The following GRID1 variants were observed in gnomAD, a reference collection of about 807,000 sequenced individuals.
The protein encoded by GRID1 is glutamate receptor ionotropic, delta-1.
In GRID1, 28 loss-of-function variants were observed where a neutral mutation model predicts 98.0. The observed-to-expected ratio is 0.29, with a 90% CI of 0.21 to 0.39. The LOEUF (loss-of-function observed/expected upper bound fraction) is 0.39. Ranked by LOEUF, GRID1 falls within the 10% of genes least tolerant of loss-of-function variation. The pLI is 1.00. For missense variants in GRID1, 1,111 were observed against 1,340.5 expected, an observed-to-expected ratio of 0.83 and a Z score of 2.67; for synonymous variants, 553 against 538.5, an observed-to-expected ratio of 1.03 and a Z score of -0.37.
At chr10:85,906,361 C>T (rs1184601914) in intron 5 of GRID1, among the ~76,000 whole-genome samples, 1 of 152,064 alleles carries the variant, frequency 6.6e-6, no homozygotes, top group Non-Finnish European at 1.5e-5. Flanking sequence ...ACCAAATAAT[C>T]ATAAAGGATA....
intron 8 of GRID1, among the ~76,000 whole-genome samples, chr10:85,803,145 T>A (rs950260728): frequency 2.6e-5 from 4 of 152,026 alleles, no homozygotes; most frequent in African/African-American, 7.2e-5. Context: ...GTTAAAAGAA[T>A]GAGTAAGAGC....
chr10:86,095,201 A>G (rs1484885194), intron 4 of GRID1, among the ~76,000 whole-genome samples: 1 of 152,232 alleles, frequency 6.6e-6, no homozygotes, highest in African/African-American at 2.4e-5. Flanking sequence ...TACAAAAATC[A>G]ACTCAAGATG....
chr10:86,333,188 C>G (rs1459428553), intron 2 of GRID1, among the ~76,000 whole-genome samples: 3 of 152,210 alleles, frequency 2.0e-5, no homozygotes, highest in Non-Finnish European at 4.4e-5. Context: ...CTCATCTCTG[C>G]TTAGAATGCC....
In GRID1 at chr10:86,364,086, G is replaced by A; in HGVS notation, c.90C>T (p.Phe30=). ...ADSIIHIGAI[F]EENAAKDDRV... ...TGTCGTCCTTGGCCGCGTTCTCCTC[G>A]AAGATGGCACCTGGAGGAGAGAAGG... is the stretch of plus-strand genomic sequence containing the variant. The change falls in exon 2 of 16, where the codon TTC becomes TTT. Residue 30 remains phenylalanine, a synonymous_variant. Transcript: ENST00000327946. 6.2e-7 allele frequency: 1 copy of A among 1,613,628 alleles called. No individual in the cohort carries two copies.
intron 12 of GRID1, among the ~76,000 whole-genome samples, chr10:85,706,521 AAATGGCCATACTGCCCAAGGT>A (rs1841520473): frequency 1.3e-5 from 2 of 152,228 alleles, no homozygotes; most frequent in Non-Finnish European, 2.9e-5. Context: ...AATATCGTGA[AAATGGCCATACTGCCCAAGGT>A]AATTTATAGA....
intron 8 of GRID1, among the ~76,000 whole-genome samples, chr10:85,805,155 T>C (rs1842612388): frequency 6.6e-6 from 1 of 151,458 alleles, no homozygotes; most frequent in African/African-American, 2.4e-5. Context: ...AAATTCTAGA[T>C]CTAATACATA....
At chr10:85,865,918 T>TATATATATATACAC (rs1400898669) in intron 6 of GRID1, among the ~76,000 whole-genome samples, 3 of 94,534 alleles carry the variant, frequency 3.2e-5, no homozygotes, top group African/African-American at 1.2e-4. Context: ...TATACATATA[T>TATATATATATACAC]ATATATATAT....
At chr10:85,604,470 G>A (rs528294668) in intron 15 of GRID1, among the ~76,000 whole-genome samples, 2 of 152,226 alleles carry the variant, frequency 1.3e-5, no homozygotes, top group South Asian at 4.1e-4. Flanking sequence ...CAACTTCAGT[G>A]ATCTGAAGCC....
chr10:85,997,073 T>C (rs2131872110), intron 4 of GRID1, among the ~76,000 whole-genome samples: 1 of 152,268 alleles, frequency 6.6e-6, no homozygotes, highest in African/African-American at 2.4e-5. Flanking sequence ...CTTCTCCTTT[T>C]GAGTTCTCTA....
chr10:86,209,687 T>TA (rs1259274772), intron 2 of GRID1, among the ~76,000 whole-genome samples: 1 of 152,204 alleles, frequency 6.6e-6, no homozygotes, highest in East Asian at 1.9e-4. Flanking sequence ...TTGTATAAAA[T>TA]AAACTGTATA....
At chr10:86,154,581 C>A (rs1048839296) in intron 3 of GRID1, among the ~76,000 whole-genome samples, 2 of 152,278 alleles carry the variant, frequency 1.3e-5, no homozygotes, top group South Asian at 2.1e-4. Context: ...GGCTGCAGAT[C>A]CTGGGAATCT....
At chr10:86,102,414 G>A (rs1027702146) in intron 4 of GRID1, among the ~76,000 whole-genome samples, 1 of 152,214 alleles carries the variant, frequency 6.6e-6, no homozygotes, top group African/African-American at 2.4e-5. Context: ...CAAGATGTTG[G>A]GCCTGGGCAG....
At chr10:86,031,602 C>A (rs769466183) in intron 4 of GRID1, among the ~76,000 whole-genome samples, 1 of 152,026 alleles carries the variant, frequency 6.6e-6, no homozygotes, top group Non-Finnish European at 1.5e-5. Context: ...AGAACCTGAC[C>A]ACTGTTTAGG....
intron 4 of GRID1, among the ~76,000 whole-genome samples, chr10:86,038,814 A>T (rs980996512): frequency 6.6e-6 from 1 of 152,226 alleles, no homozygotes; most frequent in Admixed American, 6.5e-5. Context: ...GATGACTTGC[A>T]GAAGATGGTC....
chr10:86,349,307 G>T (rs1848431804), intron 2 of GRID1, among the ~76,000 whole-genome samples: 1 of 152,230 alleles, frequency 6.6e-6, no homozygotes, highest in Non-Finnish European at 1.5e-5. Flanking sequence ...GAAGAGAAGA[G>T]AAACCCAAGT....
intron 8 of GRID1, among the ~76,000 whole-genome samples, chr10:85,825,344 G>T (rs1293959227): frequency 1.3e-5 from 2 of 151,170 alleles, no homozygotes; most frequent in African/African-American, 2.4e-5. Context: ...CTTTTGAAAA[G>T]TGTCTATTCA....
At chr10:85,795,948 T>C (rs1842522764) in intron 8 of GRID1, among the ~76,000 whole-genome samples, 1 of 151,888 alleles carries the variant, frequency 6.6e-6, no homozygotes, top group African/African-American at 2.4e-5. Context: ...ACAGAAAAAA[T>C]GACAAGCTGA....
intron 6 of GRID1, among the ~76,000 whole-genome samples, chr10:85,867,445 C>A (rs73340543): frequency 0.016 from 2,390 of 152,242 alleles, 74 homozygotes; most frequent in African/African-American, 0.054. Context: ...CCACAGAGAG[C>A]AAAGGGATTC....
chr10:85,754,846 T>C (rs1156949747), intron 8 of GRID1, among the ~76,000 whole-genome samples: 1 of 152,176 alleles, frequency 6.6e-6, no homozygotes, highest in Non-Finnish European at 1.5e-5. Context: ...CACAAAATAA[T>C]GGAATTAATG....
Sources: gnomAD v4.1 joint callset for allele counts (sites outside exome capture counted in the v4.1 genomes callset) on GRCh38, gnomAD v4.1.1 for gene constraint, MANE v1.5 for transcripts, NCBI Gene and HGNC (gene_info 2026-07-23, HGNC 2026-07-21) for gene names.